Variants in ARFGEF3 observed in about 807,000 individuals in gnomAD.
ARFGEF3 encodes ARFGEF family member 3.
In ARFGEF3, 96 loss-of-function variants were observed where a neutral mutation model predicts 221.7. The observed-to-expected ratio is 0.43, with a 90% CI of 0.37 to 0.51. ARFGEF3 has a LOEUF of 0.51. ARFGEF3 is among the 20% of genes least tolerant of loss of function. ARFGEF3 has a pLI of 0.00. For synonymous variants in ARFGEF3, 1,145 were observed against 1,126.8 expected (o/e 1.02, Z -0.32); for missense variants, 2,410 against 2,789.9 (o/e 0.86, Z 3.07).
Position 138,340,471 on chromosome 6 carries a change from C to T in ARFGEF3, c.*3985C>T, listed in dbSNP as rs1419872624. ...AATACTGCTTATACAGGAAAGTTTTCTCAGAAAGGAAAATCCATTAGTATC... is the reference window on the plus strand; with the variant it reads ...AATACTGCTTATACAGGAAAGTTTTTTCAGAAAGGAAAATCCATTAGTATC... On this transcript the variant is annotated 3_prime_UTR_variant, in exon 34 of 34. Coordinates refer to ENST00000251691, the MANE Select transcript of ARFGEF3 (RefSeq NM_020340.5). The T allele has an allele frequency of 6.6e-6, 1 of 152,150 alleles. No individual in the cohort carries two copies. The highest frequency in any genetic ancestry group is 6.5e-5 in the Admixed American group (1 of 15,274). 9.4% of individuals were successfully genotyped at this position (152,150 alleles called of 1,614,324 possible). A position where few individuals can be genotyped will look rare whatever the true frequency, so the allele number is the denominator to read the frequency against.
intron 4 of ARFGEF3, among the ~76,000 whole-genome samples, chr6:138,222,733 T>G (rs1244962862): frequency 1.3e-5 from 2 of 152,206 alleles, no homozygotes; most frequent in African/African-American, 2.4e-5. Flanking sequence ...TTTAAAAAAC[T>G]TCAATAGCTT....
intron 28 of ARFGEF3, among the ~76,000 whole-genome samples, 170 bp downstream of exon 28, chr6:138,320,049 A>C (rs1015173557): frequency 1.3e-5 from 2 of 152,256 alleles, no homozygotes; most frequent in Non-Finnish European, 2.9e-5. Flanking sequence ...AGATTTTCAA[A>C]GAGAAAATTC....
At chr6:138,273,455 A>G (rs1489055273) in intron 12 of ARFGEF3, among the ~76,000 whole-genome samples, 1 of 152,344 alleles carries the variant, frequency 6.6e-6, no homozygotes, top group Non-Finnish European at 1.5e-5. Context: ...ACACTGGGCA[A>G]TGCAAAGAGT....
chr6:138,297,006 G>T, intron 21 of ARFGEF3, 51 bp downstream of exon 21: 1 of 1,562,340 alleles, frequency 6.4e-7, no homozygotes, highest in South Asian at 1.2e-5. Flanking sequence ...TCAGTGACCA[G>T]CAGAGCCAGC....
intron 26 of ARFGEF3, among the ~76,000 whole-genome samples, chr6:138,315,584 GCTCAT>G: frequency 6.6e-6 from 1 of 152,144 alleles, no homozygotes; most frequent in Non-Finnish European, 1.5e-5. Flanking sequence ...AGGCGCGGTG[GCTCAT>G]GCCTCTAATC....
chr6:138,175,969 T>G (rs1039689176), intron 2 of ARFGEF3, among the ~76,000 whole-genome samples: 5 of 152,202 alleles, frequency 3.3e-5, no homozygotes, highest in African/African-American at 1.2e-4. Flanking sequence ...AGTCTCTTGT[T>G]GAATTGATCC....
intron 2 of ARFGEF3, among the ~76,000 whole-genome samples, chr6:138,194,768 G>A (rs1273821560): frequency 6.6e-6 from 1 of 152,038 alleles, no homozygotes; most frequent in Non-Finnish European, 1.5e-5. Context: ...CTAGGGAGAA[G>A]AAAAAGAGAA....
intron 32 of ARFGEF3, among the ~76,000 whole-genome samples, chr6:138,329,253 T>C (rs1281694573): frequency 6.6e-6 from 1 of 152,158 alleles, no homozygotes; most frequent in East Asian, 1.9e-4. Context: ...TTGAGCACTG[T>C]ATATGAAACA....
intron 2 of ARFGEF3, among the ~76,000 whole-genome samples, chr6:138,173,361 A>G (rs1424154732): frequency 6.6e-6 from 1 of 152,190 alleles, no homozygotes; most frequent in Non-Finnish European, 1.5e-5. Flanking sequence ...CTACATAAGT[A>G]AAAGAGTTTG....
chr6:138,249,470 C>T (rs1340298370), intron 8 of ARFGEF3, among the ~76,000 whole-genome samples: 2 of 152,168 alleles, frequency 1.3e-5, no homozygotes, highest in Admixed American at 1.3e-4. Context: ...GCTGGGACTA[C>T]AGGCATGCGC....
rs1303969958 is a variant in ARFGEF3, at chr6:138,286,801, G to A, written c.2670G>A (p.Gly890=). 1.2e-6 allele frequency: 2 copies of A among 1,614,052 alleles called. No homozygotes were observed. The highest frequency in any genetic ancestry group is 8.5e-7 in the Non-Finnish European group (1 of 1,179,898). Residue 890 remains glycine, a synonymous_variant, in exon 16 of 34, where the codon GGG becomes GGA. Transcript: ENST00000251691. ...GTCGAATGGCGGGGAGCTCCAAAGG[G>A]CTGGCCTTCATTCTGGGAGCTGAAG... The part of the protein sequence containing the change: ...LTGRMAGSSK[G]LAFILGAEGI...
chr6:138,322,744 G>T (rs887835578), intron 29 of ARFGEF3, among the ~76,000 whole-genome samples: 2 of 149,152 alleles, frequency 1.3e-5, no homozygotes, highest in Non-Finnish European at 3.0e-5. Flanking sequence ...GCAGTAAGAC[G>T]AGATGGCACC....
Position 138,170,694 on chromosome 6 carries a change from A to C in ARFGEF3, c.118A>C (p.Ile40Leu), listed in dbSNP as rs749254600. 3.2e-5 allele frequency: 50 copies of C among 1,585,382 alleles called. No homozygotes were observed. The highest frequency in any genetic ancestry group is 4.2e-5 in the Non-Finnish European group (49 of 1,154,262). The change falls in exon 2 of 34, where the codon ATC becomes CTC. Residue 40 changes from isoleucine to leucine, a missense_variant. Physicochemically the swap from Ile to Leu is conservative, Grantham distance 5 (BLOSUM62 2). Transcript: ENST00000251691. ...AGGTGGTCTGGATACCATTGTCAAG[A>C]TCCCTCCACATGTACTGAGGTAGGA... is the stretch of plus-strand genomic sequence containing the variant. ...TLGGLDTIVK[I>L]PPHVLREKCL... is the part of the protein sequence containing the mutation.
At position 138,285,968 on chromosome 6, in the gene ARFGEF3, T is replaced by C; in HGVS notation, c.2484T>C (p.Ser828=). ...CAGATATTGACGGCTTAGAGAGCAG[T>C]GCCATTGGTGGCCAGCTGATGGCCT... ...MLTDIDGLES[S]AIGGQLMASA... The change falls in exon 15 of 34, where the codon AGT becomes AGC. Residue 828 remains serine (S), a synonymous_variant. Transcript: ENST00000251691. 1.2e-6 allele frequency: 2 copies of C among 1,611,586 alleles called. No homozygotes were observed. The highest frequency in any genetic ancestry group is 1.7e-6 in the Non-Finnish European group (2 of 1,179,200).
At chr6:138,188,745 C>T (rs761222078) in intron 2 of ARFGEF3, among the ~76,000 whole-genome samples, 4 of 152,236 alleles carry the variant, frequency 2.6e-5, no homozygotes, top group Non-Finnish European at 5.9e-5. Flanking sequence ...TCACATAGTG[C>T]CAGACCTGAG....
chr6:138,281,054 G>A (rs575762805), intron 14 of ARFGEF3, among the ~76,000 whole-genome samples: 5 of 152,152 alleles, frequency 3.3e-5, no homozygotes, highest in African/African-American at 7.2e-5. Context: ...AACTATGTGC[G>A]TATACAGGGA....
At position 138,340,228 on chromosome 6, in the gene ARFGEF3, A is replaced by T; in HGVS notation, c.*3742A>T. The T allele has an allele frequency of 6.6e-6, 1 of 152,260 alleles. No individual in the cohort carries two copies. The highest frequency in any genetic ancestry group is 1.9e-4 in the East Asian group (1 of 5,202). The allele number at this position is 152,260 out of a possible 1,614,324, so 9.4% of individuals were successfully genotyped here. Reference sequence around the variant, plus strand: ...CAAAGTGAGACTTCGTCTCAAGTAAATAAAACTAAAATTTTTAAATCAAAC... The same window carrying T: ...CAAAGTGAGACTTCGTCTCAAGTAATTAAAACTAAAATTTTTAAATCAAAC... On this transcript the variant is annotated 3_prime_UTR_variant, in exon 34 of 34. Transcript: ENST00000251691.
chr6:138,320,162 G>C (rs796938561), intron 28 of ARFGEF3, among the ~76,000 whole-genome samples: 30 of 152,282 alleles, frequency 2.0e-4, no homozygotes, highest in African/African-American at 7.0e-4. Context: ...CTGTGCATTA[G>C]GAGAAGGGAG....
At chr6:138,206,343 C>CT (rs542624433) in intron 2 of ARFGEF3, among the ~76,000 whole-genome samples, 4,316 of 134,988 alleles carry the variant, frequency 0.032, 120 homozygotes, top group Middle Eastern at 0.065. Flanking sequence ...AATATCTCTC[C>CT]TTTTTTTTTT....
Sources: gnomAD v4.1 joint callset for allele counts (sites outside exome capture counted in the v4.1 genomes callset) on GRCh38, gnomAD v4.1.1 for gene constraint, MANE v1.5 for transcripts, NCBI Gene and HGNC (gene_info 2026-07-23, HGNC 2026-07-21) for gene names.